The following TMEM117 variants were observed in gnomAD, a reference collection of about 807,000 sequenced individuals.
TMEM117 encodes the protein transmembrane protein 117.
In TMEM117, 27 loss-of-function variants were observed where a neutral mutation model predicts 52.4. That is an observed-to-expected ratio of 0.51 (90% CI 0.38 to 0.71). The LOEUF is 0.71. Among genes scored for constraint, TMEM117 ranks in the 30% least tolerant of loss-of-function variants. The pLI, the probability that TMEM117 is intolerant of heterozygous loss-of-function variation, is 0.00. For synonymous variants in TMEM117, 215 were observed against 206.3 expected (o/e 1.04, Z -0.36); for missense variants, 556 against 630.5 (o/e 0.88, Z 1.26).
intron 3 of TMEM117, among the ~76,000 whole-genome samples, chr12:44,039,341 T>G (rs867185055): frequency 2.9e-4 from 44 of 150,488 alleles, no homozygotes; most frequent in Admixed American, 1.9e-3. Flanking sequence ...CACTATACCC[T>G]TATAGTAAAT....
chr12:44,086,090 A>G (rs1565821426), intron 3 of TMEM117, among the ~76,000 whole-genome samples: 1 of 152,200 alleles, frequency 6.6e-6, no homozygotes, highest in African/African-American at 2.4e-5. Flanking sequence ...TTAACAAAGA[A>G]AAGTGAACAA....
At chr12:44,234,252 TATTA>T (rs1261552881) in intron 5 of TMEM117, among the ~76,000 whole-genome samples, 2 of 151,558 alleles carry the variant, frequency 1.3e-5, no homozygotes, top group African/African-American at 4.8e-5. Context: ...AAATTTTCTT[TATTA>T]ATTATTCATT....
chr12:43,820,111 T>C, the TMEM117 span, among the ~76,000 whole-genome samples: 2 of 143,126 alleles, frequency 1.4e-5, no homozygotes, highest in African/African-American at 5.1e-5. Context: ...TTTTTTTTGT[T>C]TTTGTTTTTG....
At chr12:44,090,891 T>A (rs1947660434) in intron 3 of TMEM117, among the ~76,000 whole-genome samples, 1 of 149,336 alleles carries the variant, frequency 6.7e-6, no homozygotes, top group South Asian at 2.1e-4. Flanking sequence ...CACCTCTTGC[T>A]GATAGAGCGT....
the TMEM117 span, chr12:43,806,173 G>A: frequency 3.0e-4 from 459 of 1,537,380 alleles, no homozygotes; most frequent in Non-Finnish European, 3.8e-4. Flanking sequence ...CGGCTCTCCC[G>A]GCTCTCCCGG....
intron 6 of TMEM117, among the ~76,000 whole-genome samples, chr12:44,341,548 T>C (rs1351218117): frequency 5.3e-5 from 8 of 152,136 alleles, no homozygotes; most frequent in African/African-American, 1.4e-4. Context: ...ATCTTTGTTA[T>C]TGTGAATAGT....
intron 2 of TMEM117, among the ~76,000 whole-genome samples, chr12:43,903,317 T>C (rs1391033761): frequency 6.6e-6 from 1 of 152,216 alleles, no homozygotes; most frequent in Non-Finnish European, 1.5e-5. Context: ...ATAAAAACTT[T>C]TCTAAGAAAT....
At chr12:44,058,211 C>G (rs1166923638) in intron 3 of TMEM117, among the ~76,000 whole-genome samples, 3 of 151,756 alleles carry the variant, frequency 2.0e-5, no homozygotes, top group Non-Finnish European at 4.4e-5. Flanking sequence ...TTAACCTTCT[C>G]AAAAATAATA....
intron 6 of TMEM117, among the ~76,000 whole-genome samples, chr12:44,374,727 T>A (rs1267459955): frequency 1.3e-5 from 2 of 151,068 alleles, no homozygotes; most frequent in Non-Finnish European, 2.9e-5. Context: ...TAAAACCAAT[T>A]TCATACCCAA....
At chr12:44,287,520 C>G (rs1385435683) in intron 5 of TMEM117, among the ~76,000 whole-genome samples, 1 of 152,174 alleles carries the variant, frequency 6.6e-6, no homozygotes, top group African/African-American at 2.4e-5. Context: ...ATTTTCACTG[C>G]CATGAAATTT....
At chr12:43,989,602 C>A (rs547087951) in intron 3 of TMEM117, among the ~76,000 whole-genome samples, 1 of 151,882 alleles carries the variant, frequency 6.6e-6, no homozygotes, top group Non-Finnish European at 1.5e-5. Flanking sequence ...GATCGATGAC[C>A]TCTTTTAATT....
At chr12:44,076,181 A>AT (rs1396271364) in intron 3 of TMEM117, among the ~76,000 whole-genome samples, 2 of 152,214 alleles carry the variant, frequency 1.3e-5, no homozygotes, top group Non-Finnish European at 2.9e-5. Context: ...ATTGGAATGG[A>AT]TTTTGTAAAG....
intron 6 of TMEM117, among the ~76,000 whole-genome samples, chr12:44,373,803 A>ATGGAGTCT (rs1683670140): frequency 1.2e-5 from 1 of 83,610 alleles, no homozygotes; most frequent in Non-Finnish European, 2.1e-5. Context: ...TTTTTTTGAG[A>ATGGAGTCT]TGGAGTCTCG....
intron 5 of TMEM117, among the ~76,000 whole-genome samples, chr12:44,211,692 A>G (rs1469358382): frequency 6.6e-6 from 1 of 152,212 alleles, no homozygotes; most frequent in African/African-American, 2.4e-5. Context: ...CTGATAGATG[A>G]AACTGTCTCC....
chr12:44,150,537 AGTTT>A (rs1344371502), intron 4 of TMEM117, among the ~76,000 whole-genome samples: 12 of 152,108 alleles, frequency 7.9e-5, no homozygotes, highest in African/African-American at 1.9e-4. Flanking sequence ...AATAATAATC[AGTTT>A]GTTTGATCAT....
chr12:43,819,984 A>G, the TMEM117 span, among the ~76,000 whole-genome samples: 1 of 152,186 alleles, frequency 6.6e-6, no homozygotes, highest in Admixed American at 6.5e-5. Flanking sequence ...GCAGTTGAAT[A>G]AATATGGTAA....
rs947989035 is a variant in TMEM117, at chr12:44,370,505, C to CTTTTTTT, written c.769-6075_769-6069dup. On this transcript the variant is annotated intron_variant, in intron 6 of 7. Coordinates refer to ENST00000266534, the MANE Select transcript of TMEM117 (RefSeq NM_032256.3). ...CCATTTATGTGAAACCACAGAGATT[C>CTTTTTTT]TTTTTTTTTTTTTTTTTTTTTGAGA... 5.3e-3 allele frequency among the ~76,000 whole-genome samples: 641 copies of CTTTTTTT among 120,390 alleles called. 17 individuals carry two copies. The highest frequency in any genetic ancestry group is 0.02 in the African/African-American group (606 of 30,084). 79.0% of individuals were successfully genotyped at this position (120,390 alleles called of 152,430 possible).
rs548994691 is a variant in TMEM117 at position 44,023,802 on chromosome 12, G to A, written c.410+79460G>A. Among the ~76,000 whole-genome samples the A allele has an allele frequency of 2.2e-5, 3 of 136,114 alleles. No individual in the cohort carries two copies. In the East Asian group the frequency reaches 7.1e-4, roughly 32 times the overall value. The allele number at this position is 136,114 out of a possible 152,430, so 89.3% of individuals were successfully genotyped here. ...CACAGGAAGGGGAACATCACACTCCGGGGACTGTTGTGGGGTGGGGGGAGG... is the reference window on the plus strand; with the variant it reads ...CACAGGAAGGGGAACATCACACTCCAGGGACTGTTGTGGGGTGGGGGGAGG... On this transcript the variant is annotated intron_variant, in intron 3 of 7. Transcript: ENST00000266534.
chr12:44,317,064 C>G (rs1345378447), intron 6 of TMEM117, among the ~76,000 whole-genome samples: 1 of 145,696 alleles, frequency 6.9e-6, no homozygotes, highest in East Asian at 2.0e-4. Context: ...CCTTGCAATC[C>G]AAGCTTTGCA....
Sources: gnomAD v4.1 joint callset for allele counts (sites outside exome capture counted in the v4.1 genomes callset) on GRCh38, gnomAD v4.1.1 for gene constraint, MANE v1.5 for transcripts, NCBI Gene and HGNC (gene_info 2026-07-23, HGNC 2026-07-21) for gene names.